CTNNA3: variants seen among roughly 807,000 people sequenced by gnomAD.
CTNNA3 encodes the protein catenin alpha-3.
Under a neutral mutation model 95.7 loss-of-function variants are expected in CTNNA3, and 76 were observed. The observed-to-expected ratio is 0.79, with a 90% CI of 0.66 to 0.96. The LOEUF (loss-of-function observed/expected upper bound fraction) is 0.96. CTNNA3 is among the 40% of genes least tolerant of loss of function. CTNNA3 has a pLI of 0.00. For missense variants in CTNNA3, 1,191 were observed against 1,089.8 expected (o/e 1.09, Z -1.31); for synonymous variants, 431 against 374.4 (o/e 1.15, Z -1.74).
intron 11 of CTNNA3, among the ~76,000 whole-genome samples, chr10:66,451,416 G>C (rs1210737911): frequency 1.3e-5 from 2 of 152,046 alleles, no homozygotes; most frequent in Non-Finnish European, 1.5e-5. Context: ...TATAACACCA[G>C]AGAGAAATAA....
chr10:66,155,639 G>T (rs528323117), intron 13 of CTNNA3, among the ~76,000 whole-genome samples: 9 of 151,738 alleles, frequency 5.9e-5, no homozygotes, highest in African/African-American at 2.2e-4. Context: ...TAGGTCAAGT[G>T]GATATATGTA....
chr10:66,416,382 T>A (rs1259313805), intron 11 of CTNNA3, among the ~76,000 whole-genome samples: 1 of 152,058 alleles, frequency 6.6e-6, no homozygotes, highest in Non-Finnish European at 1.5e-5. Context: ...TTTAAAAACC[T>A]ATTTAATGAA....
At chr10:66,902,598 T>G (rs900161124) in intron 7 of CTNNA3, among the ~76,000 whole-genome samples, 3 of 152,040 alleles carry the variant, frequency 2.0e-5, no homozygotes, top group African/African-American at 7.2e-5. Flanking sequence ...CAGGAGCTGG[T>G]TTTTTGAAAA....
chr10:67,411,927 T>C (rs538739675), intron 5 of CTNNA3, among the ~76,000 whole-genome samples: 1 of 152,270 alleles, frequency 6.6e-6, no homozygotes, highest in African/African-American at 2.4e-5. Context: ...TTAATTCTTA[T>C]TCTTAACTTT....
At chr10:66,999,648 G>T (rs1851564838) in intron 7 of CTNNA3, among the ~76,000 whole-genome samples, 2 of 152,118 alleles carry the variant, frequency 1.3e-5, no homozygotes, top group South Asian at 4.1e-4. Flanking sequence ...CTAGATCAGG[G>T]TTAGTTTGGG....
intron 7 of CTNNA3, among the ~76,000 whole-genome samples, chr10:67,071,863 A>G (rs1321657170): frequency 6.6e-6 from 1 of 152,124 alleles, no homozygotes; most frequent in Non-Finnish European, 1.5e-5. Context: ...ACTGTGCCCA[A>G]TTTATCATAT....
intron 9 of CTNNA3, among the ~76,000 whole-genome samples, chr10:66,755,825 A>G (rs550848515): frequency 6.6e-6 from 1 of 152,266 alleles, no homozygotes; most frequent in Non-Finnish European, 1.5e-5. Flanking sequence ...TTTAGTTCAT[A>G]GTTTAGAAGC....
rs1469033008 is a variant in CTNNA3, at chr10:67,488,706, G to A, written c.579+33136C>T. 3.1e-5 allele frequency among the ~76,000 whole-genome samples: 4 copies of A among 130,394 alleles called. No individual in the cohort carries two copies. In the East Asian group the frequency reaches 9.3e-4, roughly 30 times the overall value. 85.5% of individuals were successfully genotyped at this position (130,394 alleles called of 152,430 possible). A position where few individuals can be genotyped will look rare whatever the true frequency, so the allele number is the denominator to read the frequency against. On this transcript the variant is annotated intron_variant, in intron 5 of 17. Coordinates refer to ENST00000433211, the MANE Select transcript of CTNNA3 (RefSeq NM_013266.4). ...TTTTTTTTGAGACAAAGTCCCTTCT[G>A]TCACCTAGGCTGGAGTGCAATGGCA...
At chr10:66,516,551 T>C (rs1314963525) in intron 11 of CTNNA3, among the ~76,000 whole-genome samples, 1 of 152,170 alleles carries the variant, frequency 6.6e-6, no homozygotes, top group African/African-American at 2.4e-5. Flanking sequence ...TGACATCACA[T>C]TGGTAGCTTA....
At chr10:66,788,061 C>T (rs777439291) in intron 7 of CTNNA3, among the ~76,000 whole-genome samples, 3 of 152,128 alleles carry the variant, frequency 2.0e-5, no homozygotes, top group Non-Finnish European at 4.4e-5. Context: ...ACAAGTCAAA[C>T]TAGGAAACAT....
chr10:67,237,136 A>ACAC lies in CTNNA3; in HGVS notation c.580-17267_580-17266insGTG, dbSNP rs1168090986. On this transcript the variant is annotated intron_variant, in intron 5 of 17. Coordinates refer to ENST00000433211, the MANE Select transcript of CTNNA3 (RefSeq NM_013266.4). ...GAAACTATGGTGTATGTATATATAT[A>ACAC]TATATATATATATATATATATATAT... Among the ~76,000 whole-genome samples the ACAC allele has an allele frequency of 2.0e-3, 104 of 51,518 alleles. 3 individuals are homozygous for ACAC. The East Asian group carries it at 0.04, about 20-fold the overall frequency. 33.8% of individuals were successfully genotyped at this position (51,518 alleles called of 152,430 possible). A position where few individuals can be genotyped will look rare whatever the true frequency, so the allele number is the denominator to read the frequency against.
At chr10:66,991,849 T>G (rs907887462) in intron 7 of CTNNA3, among the ~76,000 whole-genome samples, 1 of 152,234 alleles carries the variant, frequency 6.6e-6, no homozygotes, top group Non-Finnish European at 1.5e-5. Flanking sequence ...AATACTTTCA[T>G]TTAATCAGTT....
intron 5 of CTNNA3, among the ~76,000 whole-genome samples, chr10:67,512,198 G>T (rs1046391238): frequency 6.6e-6 from 1 of 152,140 alleles, no homozygotes; most frequent in African/African-American, 2.4e-5. Flanking sequence ...TGATAGGATA[G>T]CTACTACCAA....
upstream of CTNNA3, among the ~76,000 whole-genome samples, chr10:67,698,064 C>A (rs77580122): frequency 0.031 from 4,734 of 152,254 alleles, 245 homozygotes; most frequent in African/African-American, 0.11. Flanking sequence ...CATTTTGCAT[C>A]CTGGCCCTCT....
At chr10:67,589,095 A>T (rs941213496) in intron 3 of CTNNA3, among the ~76,000 whole-genome samples, 37 of 152,114 alleles carry the variant, frequency 2.4e-4, no homozygotes, top group African/African-American at 8.7e-4. Flanking sequence ...CTGGGGAAAG[A>T]CAGATAGTAT....
intron 9 of CTNNA3, among the ~76,000 whole-genome samples, chr10:66,744,986 CA>C (rs1217756897): frequency 2.6e-5 from 4 of 152,144 alleles, no homozygotes; most frequent in Non-Finnish European, 5.9e-5. Flanking sequence ...TACACTAACA[CA>C]AAAGCTCTTT....
intron 9 of CTNNA3, among the ~76,000 whole-genome samples, chr10:66,653,981 A>T (rs1341600159): frequency 6.6e-6 from 1 of 152,134 alleles, no homozygotes; most frequent in Non-Finnish European, 1.5e-5. Context: ...TAAATCAAGC[A>T]ATACCTGAAA....
intron 9 of CTNNA3, among the ~76,000 whole-genome samples, chr10:66,740,790 C>A (rs1011256058): frequency 6.6e-6 from 1 of 152,142 alleles, no homozygotes; most frequent in Non-Finnish European, 1.5e-5. Context: ...TTGTTTAACC[C>A]TTCATTCATA....
In CTNNA3 at chr10:65,966,408, A is replaced by G. The variant is rs2096927; in HGVS notation, c.2400+204T>C. Among the ~76,000 whole-genome samples, 585 of 152,344 alleles carry G rather than the reference A, an allele frequency of 3.8e-3. 3 individuals are homozygous for G. Among genetic ancestry groups the G allele is most frequent in the African/African-American group, 0.013 (554 of 41,588 alleles). On this transcript the variant is annotated intron_variant, in intron 17 of 17. Coordinates refer to ENST00000433211, the MANE Select transcript of CTNNA3 (RefSeq NM_013266.4). ...ACTCTTTAATCTCTGAAGTAAATAAAAACAACATTTTTAACCTTTCTTTAA... is the reference window on the plus strand; with the variant it reads ...ACTCTTTAATCTCTGAAGTAAATAAGAACAACATTTTTAACCTTTCTTTAA...
Sources: gnomAD v4.1 joint callset for allele counts (sites outside exome capture counted in the v4.1 genomes callset) on GRCh38, gnomAD v4.1.1 for gene constraint, MANE v1.5 for transcripts, NCBI Gene and HGNC (gene_info 2026-07-23, HGNC 2026-07-21) for gene names.